Variants in SETD3 observed in about 807,000 individuals in gnomAD.
SETD3 encodes the protein actin-histidine N-methyltransferase.
A neutral mutation model predicts 63.0 loss-of-function variants in SETD3; 19 were observed. The ratio of observed to expected loss-of-function variants is 0.30; its 90% CI spans 0.21 to 0.44. The LOEUF (loss-of-function observed/expected upper bound fraction) is 0.44, where lower values mean the gene tolerates loss of function less well. SETD3 is among the 20% of genes least tolerant of loss of function. SETD3 has a pLI of 1.00. For synonymous variants in SETD3, 286 were observed against 264.1 expected, an observed-to-expected ratio of 1.08 and a Z score of -0.80; for missense variants, 587 against 728.5, an observed-to-expected ratio of 0.81 and a Z score of 2.24.
At chr14:99,476,153 A>C (rs1016163818) in intron 1 of SETD3, among the ~76,000 whole-genome samples, 2 of 152,238 alleles carry the variant, frequency 1.3e-5, no homozygotes, top group African/African-American at 4.8e-5. Flanking sequence ...GAGAAAGCTG[A>C]CGCTTACGGA....
intron 6 of SETD3, among the ~76,000 whole-genome samples, chr14:99,431,155 TATAACAC>T (rs1223055260): frequency 1.3e-5 from 2 of 152,214 alleles, no homozygotes; most frequent in Admixed American, 1.3e-4. Context: ...TCTGCACAAA[TATAACAC>T]ATAATAGGGA....
At chr14:99,399,252 G>T (rs1409648162) in intron 12 of SETD3, 127 bp from the exon 13 acceptor site, 3 of 679,478 alleles carry the variant, frequency 4.4e-6, no homozygotes, top group Non-Finnish European at 7.5e-6. Context: ...TCTAACACTT[G>T]ACTGGGCAGG....
intron 6 of SETD3, among the ~76,000 whole-genome samples, chr14:99,441,975 T>C (rs1441884500): frequency 6.6e-6 from 1 of 152,128 alleles, no homozygotes; most frequent in Non-Finnish European, 1.5e-5. Flanking sequence ...AGAGAAATCA[T>C]GGTAAGAAAG....
intron 6 of SETD3, among the ~76,000 whole-genome samples, chr14:99,430,780 A>C (rs1893130612): frequency 6.6e-6 from 1 of 152,164 alleles, no homozygotes; most frequent in South Asian, 2.1e-4. Context: ...ATCCTCCACG[A>C]GCACCATGCC....
At chr14:99,457,520 C>T (rs568440784) in intron 6 of SETD3, among the ~76,000 whole-genome samples, 1 of 152,330 alleles carries the variant, frequency 6.6e-6, no homozygotes, top group African/African-American at 2.4e-5. Flanking sequence ...GGTTGTCACA[C>T]CAACCAAAGA....
intron 6 of SETD3, among the ~76,000 whole-genome samples, chr14:99,443,257 T>A (rs1317743594): frequency 6.4e-5 from 9 of 139,940 alleles, no homozygotes; most frequent in Admixed American, 2.8e-4. Flanking sequence ...GAACTCCCAT[T>A]TTTTTTTTTT....
chr14:99,410,384 A>G, intron 8 of SETD3: 2 of 877,390 alleles, frequency 2.3e-6, no homozygotes, highest in African/African-American at 1.7e-5. Flanking sequence ...CACAAACAGA[A>G]GGACCCTGAA....
Position 99,398,969 on chromosome 14 carries a change from G to A in SETD3, c.1495C>T (p.Leu499Phe). The change falls in exon 13 of 13, where the codon CTT becomes TTT. Residue 499 changes from leucine (L) to phenylalanine (F), a missense_variant. Transcript: ENST00000331768. ...AGGTTACTCTCTTCATATTTGGGAA[G>A]CGGAGCCTTTTCCTCCATCTGTTGG... ...YRQQMEEKAP[L>F]PKYEESNLGL... is the part of the protein sequence containing the mutation. 6.2e-7 allele frequency: 1 copy of A among 1,614,196 alleles called. No individual in the cohort carries two copies. The highest frequency in any genetic ancestry group is 8.5e-7 in the Non-Finnish European group (1 of 1,180,024).
intron 6 of SETD3, among the ~76,000 whole-genome samples, chr14:99,449,594 G>C (rs1191164549): frequency 6.6e-6 from 1 of 152,174 alleles, no homozygotes; most frequent in Non-Finnish European, 1.5e-5. Context: ...AAGACAAGGA[G>C]AGACCAAGGA....
Position 99,404,037 on chromosome 14 carries a change from G to A in SETD3, c.1177+188C>T, listed in dbSNP as rs374612492. Among the ~76,000 whole-genome samples, 16 of 152,268 alleles carry A rather than the reference G, an allele frequency of 1.1e-4. No homozygotes were observed. The South Asian group carries it at 1.2e-3, about 12-fold the overall frequency. ...TACAAATTAATACTGACAACACATC[G>A]AGGATTTAATAAAACATTTCTAGGG... is the stretch of plus-strand genomic sequence containing the variant. On this transcript the variant is annotated intron_variant, in intron 11 of 12. Transcript: ENST00000331768.
At chr14:99,447,985 C>T (rs748564231) in intron 6 of SETD3, among the ~76,000 whole-genome samples, 7 of 152,088 alleles carry the variant, frequency 4.6e-5, no homozygotes, top group African/African-American at 9.7e-5. Flanking sequence ...AATACCAGTG[C>T]GAGAGAGGAG....
intron 9 of SETD3, among the ~76,000 whole-genome samples, chr14:99,406,224 T>G (rs1304700228): frequency 1.3e-5 from 2 of 152,216 alleles, no homozygotes; most frequent in Non-Finnish European, 2.9e-5. Flanking sequence ...CACTTTATTT[T>G]CAGTTAAGAG....
In SETD3 at chr14:99,398,599, T is replaced by TA; in HGVS notation, c.*79dup. The stretch of plus-strand genomic sequence containing the variant: ...TTCCTCTCTGCAGAAAGAAAAATGT[T>TA]AACAAGGAAACACAGCGATGTGAAC... On this transcript the variant is annotated 3_prime_UTR_variant, in exon 13 of 13. Coordinates refer to ENST00000331768, the MANE Select transcript of SETD3 (RefSeq NM_032233.3). 1 of 1,324,016 alleles carries TA rather than the reference T, an allele frequency of 7.6e-7. No individual in the cohort carries two copies. Among genetic ancestry groups the TA allele is most frequent in the Non-Finnish European group, 1.0e-6 (1 of 959,064 alleles). 82.0% of individuals were successfully genotyped at this position (1,324,016 alleles called of 1,614,324 possible). A position where few individuals can be genotyped will look rare whatever the true frequency, so the allele number is the denominator to read the frequency against.
chr14:99,424,741 T>C (rs542251816), intron 6 of SETD3, among the ~76,000 whole-genome samples: 25 of 151,806 alleles, frequency 1.6e-4, no homozygotes, highest in Middle Eastern at 3.2e-3. Flanking sequence ...AGGAAGTTCT[T>C]GTCACATGGT....
intron 1 of SETD3, among the ~76,000 whole-genome samples, chr14:99,467,622 C>T (rs888704515): frequency 6.6e-6 from 1 of 152,202 alleles, no homozygotes; most frequent in African/African-American, 2.4e-5. Context: ...CAGGAGGAGA[C>T]GCAGAAGCAT....
chr14:99,429,958 T>C (rs912396992), intron 6 of SETD3, among the ~76,000 whole-genome samples: 1 of 152,204 alleles, frequency 6.6e-6, no homozygotes, highest in Non-Finnish European at 1.5e-5. Flanking sequence ...GGTAAGATAT[T>C]CTGGAGTGGG....
chr14:99,406,584 T>C lies in SETD3; in HGVS notation c.856A>G (p.Thr286Ala). The C allele has an allele frequency of 6.2e-7, 1 of 1,614,090 alleles. No individual in the cohort carries two copies. The highest frequency in any genetic ancestry group is 2.2e-5 in the East Asian group (1 of 44,872). Residue 286 changes from threonine (T) to alanine (A), a missense_variant, in exon 9 of 13, where the codon ACT becomes GCT. Thr to Ala is a moderately conservative substitution (Grantham distance 58, BLOSUM62 0). Transcript: ENST00000331768. ...CGGTCATCTTCCAGGTTGTAACCAG[T>C]AGTGATCTAGCCCGGGGAGGAGGAA... The part of the protein sequence containing the change: ...MCNHTNGLIT[T>A]GYNLEDDRCE...
At chr14:99,438,307 C>T (rs1893602656) in intron 6 of SETD3, among the ~76,000 whole-genome samples, 1 of 152,186 alleles carries the variant, frequency 6.6e-6, no homozygotes, top group Admixed American at 6.5e-5. Context: ...TAAAAATTTG[C>T]TCTAGGCTTG....
In SETD3 at chr14:99,400,196, G is replaced by A. The variant is rs943185195; in HGVS notation, c.1241C>T (p.Ser414Leu). Residue 414 changes from serine (S) to leucine (L), a missense_variant, in exon 12 of 13, where the codon TCG becomes TTG. Transcript: ENST00000331768. ...GTTGTCCCAGCTAACAGGAAATTCC[G>A]AGTTCCCCAAGGTGAAGATTCTATC... is the stretch of plus-strand genomic sequence containing the variant. Reference protein sequence around the residue: ...AIDRIFTLGNSEFPVSWDNEV... With the variant: ...AIDRIFTLGNLEFPVSWDNEV... 16 of 1,613,972 alleles carry A rather than the reference G, an allele frequency of 9.9e-6. No individual in the cohort carries two copies. Among genetic ancestry groups the A allele is most frequent in the South Asian group, 6.6e-5 (6 of 91,082 alleles).
Sources: gnomAD v4.1 joint callset for allele counts (sites outside exome capture counted in the v4.1 genomes callset) on GRCh38, gnomAD v4.1.1 for gene constraint, MANE v1.5 for transcripts, NCBI Gene and HGNC (gene_info 2026-07-23, HGNC 2026-07-21) for gene names.